Variants in CNTN5 observed in about 807,000 individuals in gnomAD.
CNTN5 encodes contactin-5.
A neutral mutation model predicts 129.1 loss-of-function variants in CNTN5; 77 were observed. The observed-to-expected ratio is 0.60, with a 90% CI of 0.50 to 0.72. The LOEUF is 0.72. CNTN5 is among the 30% of genes least tolerant of loss of function. The pLI, the probability that CNTN5 is intolerant of heterozygous loss-of-function variation, is 0.00. For synonymous variants in CNTN5, 509 were observed against 465.6 expected (o/e 1.09, Z -1.20); for missense variants, 1,478 against 1,328.8 (o/e 1.11, Z -1.75).
chr11:99,207,525 A>G (rs367614459), intron 1 of CNTN5, among the ~76,000 whole-genome samples: 8 of 152,308 alleles, frequency 5.3e-5, no homozygotes, highest in African/African-American at 1.7e-4. Flanking sequence ...AAGAGTTCCA[A>G]ATACATAGGT....
intron 2 of CNTN5, among the ~76,000 whole-genome samples, chr11:99,427,101 C>G (rs1943153521): frequency 6.6e-6 from 1 of 152,172 alleles, no homozygotes; most frequent in South Asian, 2.1e-4. Flanking sequence ...TTGCTTTCCT[C>G]TGTTAGGGGT....
At chr11:99,782,778 T>G (rs944052167) in intron 3 of CNTN5, among the ~76,000 whole-genome samples, 5 of 151,946 alleles carry the variant, frequency 3.3e-5, no homozygotes, top group South Asian at 2.1e-4. Context: ...TAGCCATATG[T>G]AGAAAGCTGA....
rs140410977 is a variant in CNTN5 at position 100,044,493 on chromosome 11, CT to C, written c.981-16709del. On this transcript the variant is annotated intron_variant, in intron 9 of 24. Coordinates refer to ENST00000524871, the MANE Select transcript of CNTN5 (RefSeq NM_014361.4). The stretch of plus-strand genomic sequence containing the variant: ...CTTTTCTCTGCAACTTTGCTAACAT[CT>C]TTTTTTTTTCTTTTTAATAGCCATT... 2.7e-3 allele frequency among the ~76,000 whole-genome samples: 410 copies of C among 149,404 alleles called. 1 individual carries two copies. Among genetic ancestry groups the C allele is most frequent in the African/African-American group, 8.2e-3 (334 of 40,792 alleles).
At chr11:99,777,272 T>A (rs1945155798) in intron 3 of CNTN5, among the ~76,000 whole-genome samples, 1 of 151,856 alleles carries the variant, frequency 6.6e-6, no homozygotes, top group South Asian at 2.1e-4. Context: ...AATGACATGC[T>A]GCCCATGGAT....
chr11:100,046,435 T>C (rs1019276285), intron 9 of CNTN5, among the ~76,000 whole-genome samples: 1 of 152,180 alleles, frequency 6.6e-6, no homozygotes, highest in Admixed American at 6.6e-5. Context: ...AATTATGTTA[T>C]GATGCATAGA....
At chr11:100,130,794 A>G (rs189857026) in intron 13 of CNTN5, among the ~76,000 whole-genome samples, 66 of 152,246 alleles carry the variant, frequency 4.3e-4, no homozygotes, top group Admixed American at 7.2e-4. Flanking sequence ...AGGGGAGTTA[A>G]AGAGATGGCA....
At chr11:100,301,249 T>G (rs1249787450) in intron 20 of CNTN5, among the ~76,000 whole-genome samples, 2 of 151,640 alleles carry the variant, frequency 1.3e-5, no homozygotes, top group East Asian at 3.9e-4. Context: ...TGGAGAAGTT[T>G]TTGAACACGC....
At position 99,646,945 on chromosome 11, in the gene CNTN5, C is replaced by T. The variant is rs560145995; in HGVS notation, c.55+90676C>T. On this transcript the variant is annotated intron_variant, in intron 3 of 24. Transcript: ENST00000524871. ...CATATTCTGGGTATTAATTCCCTGTCAGATGAATAGTTTGCCCATATTTTT... is the reference window on the plus strand; with the variant it reads ...CATATTCTGGGTATTAATTCCCTGTTAGATGAATAGTTTGCCCATATTTTT... 1.2e-4 allele frequency among the ~76,000 whole-genome samples: 18 copies of T among 152,036 alleles called. 1 individual carries two copies. The South Asian group carries it at 3.7e-3, about 32-fold the overall frequency.
chr11:99,382,888 G>A (rs1940681834), intron 2 of CNTN5, among the ~76,000 whole-genome samples: 4 of 74,256 alleles, frequency 5.4e-5, no homozygotes, highest in African/African-American at 1.2e-4. Context: ...ACAGAGTCTC[G>A]CTCTGTCTCC....
At chr11:99,265,406 G>C (rs1228894790) in intron 1 of CNTN5, among the ~76,000 whole-genome samples, 1 of 151,988 alleles carries the variant, frequency 6.6e-6, no homozygotes, top group Non-Finnish European at 1.5e-5. Flanking sequence ...GTTTGGAACT[G>C]TGGCCCTATT....
intron 18 of CNTN5, among the ~76,000 whole-genome samples, chr11:100,296,015 T>C (rs566999079): frequency 6.7e-4 from 101 of 151,716 alleles, no homozygotes; most frequent in Non-Finnish European, 6.8e-4. Flanking sequence ...TTATCCACTA[T>C]TTATTTGACT....
intron 11 of CNTN5, 37 bp from the exon 12 acceptor site, chr11:100,071,668 T>C (rs1943928190): frequency 2.0e-6 from 3 of 1,481,812 alleles, no homozygotes; most frequent in Middle Eastern, 1.8e-4. Context: ...TGTTATTTGT[T>C]TACTTTCTAG....
At chr11:100,024,135 A>G (rs1210859429) in intron 9 of CNTN5, among the ~76,000 whole-genome samples, 1 of 152,150 alleles carries the variant, frequency 6.6e-6, no homozygotes, top group South Asian at 2.1e-4. Flanking sequence ...AGGTGGAGGT[A>G]ACTGAATCAT....
intron 3 of CNTN5, among the ~76,000 whole-genome samples, chr11:99,659,468 C>A (rs1040752055): frequency 5.9e-5 from 9 of 152,074 alleles, no homozygotes; most frequent in African/African-American, 9.7e-5. Context: ...TATCAATATA[C>A]TAGTCTTAGT....
chr11:99,780,959 C>T (rs1342607716), intron 3 of CNTN5, among the ~76,000 whole-genome samples: 1 of 151,980 alleles, frequency 6.6e-6, no homozygotes, highest in East Asian at 2.0e-4. Flanking sequence ...GCTGGAAACA[C>T]ACGTGGCATC....
At chr11:99,885,994 A>G (rs1035837603) in intron 6 of CNTN5, among the ~76,000 whole-genome samples, 3 of 152,264 alleles carry the variant, frequency 2.0e-5, no homozygotes, top group Non-Finnish European at 2.9e-5. Flanking sequence ...TTGTAAATCA[A>G]TTCCATCAAA....
chr11:99,614,793 C>T (rs1039796888), intron 3 of CNTN5, among the ~76,000 whole-genome samples: 1 of 151,918 alleles, frequency 6.6e-6, no homozygotes, highest in Non-Finnish European at 1.5e-5. Flanking sequence ...TTTTATTGTA[C>T]CCCACTTGAT....
intron 2 of CNTN5, among the ~76,000 whole-genome samples, chr11:99,427,405 C>T (rs1350651247): frequency 2.0e-5 from 3 of 152,088 alleles, no homozygotes; most frequent in African/African-American, 7.2e-5. Flanking sequence ...TATCTCAGGC[C>T]TTCTCAAAGG....
At chr11:99,031,567 T>G (rs576841540) in intron 1 of CNTN5, among the ~76,000 whole-genome samples, 1 of 151,980 alleles carries the variant, frequency 6.6e-6, no homozygotes, top group African/African-American at 2.4e-5. Flanking sequence ...AGGGAGCTGA[T>G]AGAAAGCAAT....
Sources: gnomAD v4.1 joint callset for allele counts (sites outside exome capture counted in the v4.1 genomes callset) on GRCh38, gnomAD v4.1.1 for gene constraint, MANE v1.5 for transcripts, NCBI Gene and HGNC (gene_info 2026-07-23, HGNC 2026-07-21) for gene names.